MRPS28: variants seen among roughly 807,000 people sequenced by gnomAD.
MRPS28 encodes the protein small ribosomal subunit protein bS1m.
A neutral mutation model predicts 10.8 loss-of-function variants in MRPS28; 7 were observed. That is an observed-to-expected ratio of 0.65 (90% CI 0.37 to 1.22). The LOEUF (loss-of-function observed/expected upper bound fraction) is 1.22, where lower values mean the gene tolerates loss of function less well. Ranked by LOEUF, MRPS28 falls within the 50% of genes most tolerant of loss-of-function variation. The probability of loss-of-function intolerance (pLI) is 0.02; values close to 1 mark genes in which losing one functional copy is unlikely to be tolerated. For missense variants in MRPS28, 265 were observed against 232.9 expected (o/e 1.14, Z -0.90); for synonymous variants, 121 against 93.3 (o/e 1.30, Z -1.71).
intron 2 of MRPS28, among the ~76,000 whole-genome samples, chr8:79,993,469 G>T (rs1248462254): frequency 6.6e-6 from 1 of 152,004 alleles, no homozygotes; most frequent in Admixed American, 6.6e-5. Context: ...CAATCCAAAA[G>T]AATTTTGTTA....
In MRPS28 at chr8:80,003,006, C is replaced by G. The variant is rs766736892; in HGVS notation, c.388G>C (p.Asp130His). ...FHCVCRRPEV[D>H]GEKYQKGTRV... ...GGAAATGATTTTACTTACTCTCCAT[C>G]CACTTCTGGTCTTCTACATACACAA... Residue 130 changes from aspartate (D) to histidine (H), a missense_variant, in exon 2 of 3, where the codon GAT (aspartate) becomes CAT (histidine). Physicochemically the swap from Asp to His is moderately conservative, Grantham distance 81. Coordinates refer to ENST00000276585, the MANE Select transcript of MRPS28 (RefSeq NM_014018.3). The G allele has an allele frequency of 6.3e-7, 1 of 1,578,146 alleles. No homozygotes were observed. Among genetic ancestry groups the G allele is most frequent in the Non-Finnish European group, 8.6e-7 (1 of 1,166,836 alleles).
At chr8:79,997,165 A>G (rs1001834760) in intron 2 of MRPS28, among the ~76,000 whole-genome samples, 2 of 152,250 alleles carry the variant, frequency 1.3e-5, no homozygotes, top group Admixed American at 1.3e-4. Flanking sequence ...TATGACAGAA[A>G]AAAATGTCTA....
intron 1 of MRPS28, among the ~76,000 whole-genome samples, chr8:80,013,283 A>G (rs1809102208): frequency 6.6e-6 from 1 of 152,214 alleles, no homozygotes; most frequent in Admixed American, 6.5e-5. Flanking sequence ...AGGATTTTAT[A>G]AAACAATACA....
chr8:79,983,619 T>G (rs542995856), intron 2 of MRPS28, among the ~76,000 whole-genome samples: 2 of 152,034 alleles, frequency 1.3e-5, no homozygotes, highest in Non-Finnish European at 2.9e-5. Flanking sequence ...GAGAACTACG[T>G]GAAGAATGCA....
rs769444150 is a variant in MRPS28 at position 80,029,875 on chromosome 8, C to G, written c.213+161G>C. 9.8e-6 allele frequency: 15 copies of G among 1,536,134 alleles called. No individual in the cohort carries two copies. The Admixed American group carries it at 2.9e-4, about 30-fold the overall frequency. On this transcript the variant is annotated intron_variant, in intron 1 of 2. Transcript: ENST00000276585. ...GGAAGAAAAACACCAAGCACAGATT[C>G]TAGGGGCCGAGGGCTGAGCCACAAC...
chr8:79,957,140 A>C (rs1175533176), intron 2 of MRPS28: 2 of 152,144 alleles, frequency 1.3e-5, no homozygotes, highest in African/African-American at 4.8e-5. Flanking sequence ...CTTTGCCTAG[A>C]AGGCCCTCGT....
chr8:80,029,833 A>C (rs1485322385), intron 1 of MRPS28: 1 of 1,533,588 alleles, frequency 6.5e-7, no homozygotes, highest in South Asian at 1.2e-5. Context: ...CAAATGCCAC[A>C]CAAAAGGACA....
At chr8:80,011,127 A>ATT (rs202004834) in intron 1 of MRPS28, among the ~76,000 whole-genome samples, 8 of 145,048 alleles carry the variant, frequency 5.5e-5, no homozygotes, top group African/African-American at 1.9e-4. Flanking sequence ...TTTTTTTTTT[A>ATT]TTTTTTTATT....
chr8:79,989,792 A>G (rs1808304079), intron 2 of MRPS28, among the ~76,000 whole-genome samples: 1 of 152,200 alleles, frequency 6.6e-6, no homozygotes, highest in African/African-American at 2.4e-5. Flanking sequence ...TAACAATCCC[A>G]GGTCTACTGT....
chr8:79,928,625 G>C (rs1223087405), intron 2 of MRPS28, among the ~76,000 whole-genome samples: 2 of 151,914 alleles, frequency 1.3e-5, no homozygotes, highest in South Asian at 2.1e-4. Flanking sequence ...ATTTTTAGTA[G>C]AGATGAGGTT....
intron 1 of MRPS28, among the ~76,000 whole-genome samples, chr8:80,013,867 T>C (rs1318736968): frequency 6.6e-6 from 1 of 152,048 alleles, no homozygotes; most frequent in Admixed American, 6.5e-5. Flanking sequence ...AATAAACGTA[T>C]TGGTGGCTCA....
chr8:80,011,238 A>C (rs977347902), intron 1 of MRPS28, among the ~76,000 whole-genome samples: 1 of 151,394 alleles, frequency 6.6e-6, no homozygotes, highest in Admixed American at 6.6e-5. Flanking sequence ...AGCAGATGAG[A>C]ATAGCAGTGC....
At chr8:79,994,990 T>C (rs1337397357) in intron 2 of MRPS28, among the ~76,000 whole-genome samples, 1 of 152,180 alleles carries the variant, frequency 6.6e-6, no homozygotes, top group African/African-American at 2.4e-5. Context: ...TGCAACCCAG[T>C]TCTATTGTTA....
At chr8:79,942,278 T>G (rs1181349968) in intron 2 of MRPS28, among the ~76,000 whole-genome samples, 20 of 152,028 alleles carry the variant, frequency 1.3e-4, no homozygotes, top group Admixed American at 1.3e-3. Context: ...TTCAAGGGAG[T>G]GATACACTTG....
At chr8:80,028,658 C>CCGGGGGGGGG (rs1809557505) in intron 1 of MRPS28, 4 of 6,476 alleles carry the variant, frequency 6.2e-4, no homozygotes, top group African/African-American at 1.6e-3. Flanking sequence ...GCGGGGGGGG[C>CCGGGGGGGGG]GGGGCCGGGC....
At chr8:79,975,148 T>C (rs181493328) in intron 2 of MRPS28, among the ~76,000 whole-genome samples, 3 of 152,044 alleles carry the variant, frequency 2.0e-5, no homozygotes, top group Admixed American at 2.0e-4. Flanking sequence ...TGTACAAAAA[T>C]TAGCCAGGTG....
intron 2 of MRPS28, among the ~76,000 whole-genome samples, chr8:79,936,073 G>A (rs1169604299): frequency 1.3e-5 from 2 of 151,876 alleles, no homozygotes; most frequent in Non-Finnish European, 1.5e-5. Context: ...GGGGCCAGGT[G>A]TGGTGGCTCA....
At chr8:79,978,498 CTT>C (rs1807860235) in intron 2 of MRPS28, among the ~76,000 whole-genome samples, 1 of 152,180 alleles carries the variant, frequency 6.6e-6, no homozygotes, top group South Asian at 2.1e-4. Flanking sequence ...TAGCTCACGA[CTT>C]TGCATATATT....
intron 1 of MRPS28, 47 bp downstream of exon 1, chr8:80,029,989 T>C: frequency 6.3e-7 from 1 of 1,594,442 alleles, no homozygotes; most frequent in Non-Finnish European, 8.5e-7. Flanking sequence ...GCCCACCGCG[T>C]CGTTGGCGTA....
Sources: gnomAD v4.1 joint callset for allele counts (sites outside exome capture counted in the v4.1 genomes callset) on GRCh38, gnomAD v4.1.1 for gene constraint, MANE v1.5 for transcripts, NCBI Gene and HGNC (gene_info 2026-07-23, HGNC 2026-07-21) for gene names.